MYCBP2: variants seen among roughly 807,000 people sequenced by gnomAD.
MYCBP2 encodes MYC binding protein 2, also known as E3 ubiquitin-protein ligase MYCBP2.
Under a neutral mutation model 525.3 loss-of-function variants are expected in MYCBP2, and 120 were observed. The ratio of observed to expected loss-of-function variants is 0.23; its 90% CI spans 0.20 to 0.27. The LOEUF is 0.27. Among genes scored for constraint, MYCBP2 ranks in the 10% least tolerant of loss-of-function variants. The probability of loss-of-function intolerance (pLI) is 1.00; values close to 1 mark genes in which losing one functional copy is unlikely to be tolerated. For missense variants in MYCBP2, 4,149 were observed against 5,657.1 expected (o/e 0.73, Z 8.55); for synonymous variants, 1,894 against 1,955.8 (o/e 0.97, Z 0.83).
At chr13:77,238,800 T>C (rs922653700) in intron 17 of MYCBP2, among the ~76,000 whole-genome samples, 1 of 152,196 alleles carries the variant, frequency 6.6e-6, no homozygotes, top group Non-Finnish European at 1.5e-5. Context: ...ATTACGTCAA[T>C]AGGCCTGAAG....
chr13:77,249,505 G>A lies in MYCBP2; in HGVS notation c.2381+1646C>T, dbSNP rs144780646. Among the ~76,000 whole-genome samples the A allele has an allele frequency of 1.0e-3, 157 of 152,262 alleles. 1 individual carries two copies. The highest frequency in any genetic ancestry group is 3.4e-3 in the Middle Eastern group (1 of 294). On this transcript the variant is annotated intron_variant, in intron 15 of 82. Transcript: ENST00000544440. The stretch of plus-strand genomic sequence containing the variant: ...AGGGACCAGATAATTTATAGATTTT[G>A]TTCACGATATATACTGGCTGCTTAA...
intron 44 of MYCBP2, among the ~76,000 whole-genome samples, chr13:77,159,719 T>C (rs965657459): frequency 3.9e-5 from 6 of 152,138 alleles, no homozygotes; most frequent in African/African-American, 1.4e-4. Flanking sequence ...TCTGCCATGA[T>C]TGTAAGTTTC....
chr13:77,071,100 G>C (rs1010659353), intron 68 of MYCBP2, among the ~76,000 whole-genome samples: 4 of 152,006 alleles, frequency 2.6e-5, no homozygotes, highest in African/African-American at 9.7e-5. Context: ...TGTGATGATA[G>C]TGGTCTTAAA....
At chr13:77,060,109 A>G (rs1336214589) in intron 76 of MYCBP2, among the ~76,000 whole-genome samples, 1 of 152,232 alleles carries the variant, frequency 6.6e-6, no homozygotes, top group Admixed American at 6.5e-5. Context: ...CAATTTGAAA[A>G]GGAATTTAAA....
chr13:77,116,115 A>C (rs989329279), intron 55 of MYCBP2, among the ~76,000 whole-genome samples: 1 of 151,928 alleles, frequency 6.6e-6, no homozygotes, highest in Non-Finnish European at 1.5e-5. Flanking sequence ...TCTGTAAAAC[A>C]GACATAAGAG....
intron 5 of MYCBP2, among the ~76,000 whole-genome samples, chr13:77,272,019 G>C (rs368723070): frequency 6.6e-6 from 1 of 152,198 alleles, no homozygotes; most frequent in Admixed American, 6.5e-5. Flanking sequence ...GGTCTGTAGA[G>C]AACTGCAGCT....
chr13:77,225,298 G>T, intron 19 of MYCBP2, 137 bp downstream of exon 19: 2 of 1,052,984 alleles, frequency 1.9e-6, no homozygotes, highest in Non-Finnish European at 2.7e-6. Context: ...TAAATACAAA[G>T]GTCTTACAGA....
intron 21 of MYCBP2, among the ~76,000 whole-genome samples, chr13:77,213,303 C>T (rs777784098): frequency 1.1e-4 from 17 of 152,108 alleles, no homozygotes; most frequent in African/African-American, 3.1e-4. Flanking sequence ...GGTGAAACCT[C>T]GTCTCTACTA....
At chr13:77,204,904 G>C (rs1429052414) in intron 26 of MYCBP2, among the ~76,000 whole-genome samples, 2 of 112,484 alleles carry the variant, frequency 1.8e-5, no homozygotes, top group South Asian at 3.7e-4. Context: ...GTTGTGGGGT[G>C]GGGGGAGGGG....
rs1356154556 is a variant in MYCBP2, at chr13:77,171,577, A to G, written c.5709T>C (p.Asp1903=). The G allele has an allele frequency of 2.5e-6, 4 of 1,613,980 alleles. No individual in the cohort carries two copies. Among genetic ancestry groups the G allele is most frequent in the East Asian group, 2.2e-5 (1 of 44,882 alleles). Residue 1903 remains aspartate (D), a synonymous_variant, in exon 38 of 83, where the codon GAT becomes GAC. Coordinates refer to ENST00000544440, the MANE Select transcript of MYCBP2 (RefSeq NM_015057.5). ...CAGACAATGCTCTGCTACAGTTTTT[A>G]TCTTCTTCATTGGCTTTACTCAGAA... ...SQLLSKANEE[D]KNCSRALSVV... is the part of the protein sequence containing the mutation.
At chr13:77,184,987 T>C in intron 32 of MYCBP2, 116 bp downstream of exon 32, 4 of 1,015,720 alleles carry the variant, frequency 3.9e-6, no homozygotes, top group Non-Finnish European at 5.7e-6. Context: ...CACCGAATGA[T>C]TTCCTAATTT....
chr13:77,236,754 G>C (rs979908848), intron 17 of MYCBP2, among the ~76,000 whole-genome samples: 1 of 152,070 alleles, frequency 6.6e-6, no homozygotes, highest in East Asian at 1.9e-4. Context: ...ACTAAACCCA[G>C]GTGTGGTGGC....
At chr13:77,321,665 C>G (rs2081640021) in intron 1 of MYCBP2, among the ~76,000 whole-genome samples, 2 of 152,236 alleles carry the variant, frequency 1.3e-5, no homozygotes, top group South Asian at 4.1e-4. Context: ...ACAAACTGTG[C>G]TTTCCTGTCT....
intron 37 of MYCBP2, among the ~76,000 whole-genome samples, chr13:77,173,769 A>T (rs1424124004): frequency 6.6e-6 from 1 of 152,222 alleles, no homozygotes; most frequent in Non-Finnish European, 1.5e-5. Context: ...GATTTTTTTA[A>T]CCCAAGGGTT....
Position 77,273,421 on chromosome 13 carries a change from A to T in MYCBP2, c.945+51T>A, listed in dbSNP as rs755793888. 5 of 1,477,040 alleles carry T rather than the reference A, an allele frequency of 3.4e-6. No individual in the cohort carries two copies. In the East Asian group the frequency reaches 1.2e-4, roughly 34 times the overall value. The allele number at this position is 1,477,040 out of a possible 1,614,324, so 91.5% of individuals were successfully genotyped here. ...TCCTATTGACAGAAATTGAGACGAA[A>T]CTGTAACTTGTCATCTTATAAACTT... is the stretch of plus-strand genomic sequence containing the variant. On this transcript the variant is annotated intron_variant, in intron 5 of 82. Transcript: ENST00000544440.
At chr13:77,093,114 T>C (rs779222021) in intron 59 of MYCBP2, 51 bp downstream of exon 59, 16 of 1,521,032 alleles carry the variant, frequency 1.1e-5, no homozygotes, top group Non-Finnish European at 1.3e-5. Context: ...GTTCAAAGTC[T>C]TTCTTCCACC....
intron 14 of MYCBP2, among the ~76,000 whole-genome samples, chr13:77,255,681 A>G (rs900887076): frequency 3.3e-5 from 5 of 151,890 alleles, no homozygotes; most frequent in Admixed American, 6.6e-5. Flanking sequence ...TTCATTTGCC[A>G]ATATATTCTA....
chr13:77,307,087 C>G (rs541532113), intron 1 of MYCBP2, among the ~76,000 whole-genome samples: 1 of 152,008 alleles, frequency 6.6e-6, no homozygotes, highest in Admixed American at 6.6e-5. Flanking sequence ...GAAAACAGAT[C>G]AGAAAAAGAA....
At chr13:77,274,914 AT>A (rs1197858320) in intron 4 of MYCBP2, among the ~76,000 whole-genome samples, 3 of 150,534 alleles carry the variant, frequency 2.0e-5, no homozygotes, top group East Asian at 3.9e-4. Flanking sequence ...CTATACTTCC[AT>A]TTTTTTCCAT....
Sources: gnomAD v4.1 joint callset for allele counts (sites outside exome capture counted in the v4.1 genomes callset) on GRCh38, gnomAD v4.1.1 for gene constraint, MANE v1.5 for transcripts, NCBI Gene and HGNC (gene_info 2026-07-23, HGNC 2026-07-21) for gene names.